Variants in CRYBA4 observed in about 807,000 individuals in gnomAD.
CRYBA4 encodes crystallin beta A4.
CRYBA4 carries 30 observed loss-of-function variants against 31.7 expected under a neutral mutation model. The observed-to-expected ratio is 0.95, with a 90% confidence interval of 0.71 to 1.28. The LOEUF (loss-of-function observed/expected upper bound fraction) is 1.28, where lower values mean the gene tolerates loss of function less well. Ranked by LOEUF, CRYBA4 falls within the 50% of genes most tolerant of loss-of-function variation. CRYBA4 has a pLI of 0.00. For missense variants in CRYBA4, 225 were observed against 260.7 expected, an observed-to-expected ratio of 0.86 and a Z score of 0.94; for synonymous variants, 102 against 102.3, an observed-to-expected ratio of 1.00 and a Z score of 0.02.
chr22:26,591,783 C>T, the CRYBA4 span, among the ~76,000 whole-genome samples: 1 of 151,308 alleles, frequency 6.6e-6, no homozygotes, highest in Admixed American at 6.6e-5. Flanking sequence ...TGCTGCTCAC[C>T]TGTAATTCCC....
the CRYBA4 span, among the ~76,000 whole-genome samples, chr22:26,596,279 T>G: frequency 1.3e-5 from 2 of 152,062 alleles, no homozygotes; most frequent in Non-Finnish European, 2.9e-5. Context: ...ATATTTTTAA[T>G]AGAGATGGGG....
At chr22:26,602,796 G>A in the CRYBA4 span, among the ~76,000 whole-genome samples, 14 of 152,082 alleles carry the variant, frequency 9.2e-5, no homozygotes, top group East Asian at 2.1e-3. Flanking sequence ...CAGGTGAAAC[G>A]TGGAACATTG....
the CRYBA4 span, among the ~76,000 whole-genome samples, chr22:26,597,977 G>A: frequency 6.6e-6 from 1 of 151,532 alleles, no homozygotes; most frequent in African/African-American, 2.4e-5. Context: ...TCTGCCTCCC[G>A]GTTCAAGCGA....
At chr22:26,597,377 C>T in the CRYBA4 span, among the ~76,000 whole-genome samples, 1 of 152,324 alleles carries the variant, frequency 6.6e-6, no homozygotes, top group Admixed American at 6.5e-5. Context: ...AAGGGTATCA[C>T]ATTTACATGG....
At chr22:26,627,396 CTTTCTTTCTTTCTT>C (rs1929753385) in intron 4 of CRYBA4, among the ~76,000 whole-genome samples, 4 of 77,406 alleles carry the variant, frequency 5.2e-5, no homozygotes, top group Non-Finnish European at 8.4e-5. Context: ...TTCTTTCTTT[CTTTCTTTCTTTCTT>C]TCTTTCTTTC....
At chr22:26,625,685 C>A in intron 4 of CRYBA4, 63 bp downstream of exon 4, 4 of 1,549,006 alleles carry the variant, frequency 2.6e-6, no homozygotes, top group South Asian at 1.1e-5. Flanking sequence ...ACTTCGGAAT[C>A]AAAGGTTCCA....
Position 26,625,614 on chromosome 22 carries a change from G to T in CRYBA4, c.292G>T (p.Ala98Ser). The T allele has an allele frequency of 6.2e-6, 10 of 1,613,830 alleles. No individual in the cohort carries two copies. The highest frequency in any genetic ancestry group is 8.5e-6 in the Non-Finnish European group (10 of 1,179,954). The change falls in exon 4 of 6, where the codon GCC becomes TCC. Residue 98 changes from alanine (A) to serine (S), a missense_variant. By Grantham distance (99) the Ala-to-Ser change is moderately conservative. Transcript: ENST00000354760. ...GAGGCTCACCTCCTTCCGGCCTGCG[G>T]CCTGTGCTGTAAGTTCTACCACTGC... ...AERLTSFRPA[A>S]CANHRDSRLT...
Position 26,628,318 on chromosome 22 carries a change from G to T in CRYBA4, c.331G>T (p.Glu111Ter). The change falls in exon 5 of 6, where the codon GAG (glutamate) becomes TAG (stop). Residue 111 changes from glutamate (E) to a stop codon, truncating the protein, a stop_gained. Transcript: ENST00000354760. LOFTEE classifies it high-confidence loss of function. ...NHRDSRLTIF[E>*]QENFLGKKGE... ...CCGTGACTCGAGGCTGACAATCTTC[G>T]AGCAAGAGAACTTCCTGGGCAAGAA... The T allele has an allele frequency of 6.2e-7, 1 of 1,613,942 alleles. No individual in the cohort carries two copies. Among genetic ancestry groups the T allele is most frequent in the Non-Finnish European group, 8.5e-7 (1 of 1,179,974 alleles).
chr22:26,611,933 T>C, the CRYBA4 span: 1 of 730,860 alleles, frequency 1.4e-6, no homozygotes, highest in South Asian at 1.4e-5. Flanking sequence ...TTCAGTTTGA[T>C]ATGAGGATTG....
chr22:26,628,192 T>G, intron 4 of CRYBA4, 96 bp from the exon 5 acceptor site: 1 of 1,571,966 alleles, frequency 6.4e-7, no homozygotes, highest in Non-Finnish European at 8.7e-7. Flanking sequence ...GGAAGGCTGA[T>G]TTGGGAGACA....
the CRYBA4 span, among the ~76,000 whole-genome samples, chr22:26,590,833 A>C: frequency 6.6e-6 from 1 of 152,190 alleles, no homozygotes; most frequent in Non-Finnish European, 1.5e-5. Flanking sequence ...CCTGATATAC[A>C]CAAATGAAAC....
At chr22:26,606,914 C>T in the CRYBA4 span, among the ~76,000 whole-genome samples, 2 of 152,008 alleles carry the variant, frequency 1.3e-5, no homozygotes, top group South Asian at 2.1e-4. Flanking sequence ...CCATTTTGAC[C>T]TTGAATCTTC....
At chr22:26,603,877 T>C in the CRYBA4 span, among the ~76,000 whole-genome samples, 1 of 152,050 alleles carries the variant, frequency 6.6e-6, no homozygotes, top group Non-Finnish European at 1.5e-5. Context: ...TGAGCCAAGA[T>C]TGTGTCACTG....
chr22:26,625,345 C>A (rs1227897665), intron 3 of CRYBA4, 136 bp from the exon 4 acceptor site: 2 of 1,001,736 alleles, frequency 2.0e-6, no homozygotes, highest in South Asian at 1.5e-5. Flanking sequence ...ATGTCTCCAG[C>A]CATCGTCAAG....
At chr22:26,606,048 G>A in the CRYBA4 span, among the ~76,000 whole-genome samples, 1 of 152,198 alleles carries the variant, frequency 6.6e-6, no homozygotes, top group Non-Finnish European at 1.5e-5. Context: ...ATCCGCTATC[G>A]TTAGTGATAG....
the CRYBA4 span, among the ~76,000 whole-genome samples, chr22:26,612,486 C>T: frequency 3.3e-5 from 5 of 152,276 alleles, no homozygotes; most frequent in Admixed American, 2.6e-4. Flanking sequence ...CCTCAGCCTC[C>T]GAGTAGTTGA....
At chr22:26,622,442 A>G (rs939794438) in intron 1 of CRYBA4, 143 bp from the exon 2 acceptor site, 37 of 719,286 alleles carry the variant, frequency 5.1e-5, no homozygotes, top group Non-Finnish European at 7.4e-5. Context: ...CAGGAGAGGG[A>G]CAGGCCAAAG....
At chr22:26,592,284 G>A in the CRYBA4 span, among the ~76,000 whole-genome samples, 1 of 152,340 alleles carries the variant, frequency 6.6e-6, no homozygotes, top group East Asian at 1.9e-4. Context: ...TTCTAGCAAT[G>A]GCATTTCCTG....
intron 5 of CRYBA4, 131 bp downstream of exon 5, chr22:26,628,561 C>G (rs1248255802): frequency 4.6e-6 from 5 of 1,090,066 alleles, no homozygotes; most frequent in Non-Finnish European, 6.7e-6. Context: ...CACTGAGGCA[C>G]AGGGAGGTAT....
Sources: allele counts gnomAD v4.1 joint callset (sites outside exome capture counted in the v4.1 genomes callset), GRCh38; gene constraint gnomAD v4.1.1; transcripts MANE v1.5; gene names NCBI Gene and HGNC (gene_info 2026-07-23, HGNC 2026-07-21).